KLHL1: variants seen among roughly 807,000 people sequenced by gnomAD.
KLHL1 encodes kelch-like protein 1.
In KLHL1, 47 loss-of-function variants were observed where a neutral mutation model predicts 77.7. The observed-to-expected ratio is 0.60, with a 90% confidence interval of 0.48 to 0.77. KLHL1 has a LOEUF of 0.77. Among genes scored for constraint, KLHL1 ranks in the 30% least tolerant of loss-of-function variants. KLHL1 has a pLI of 0.00. For synonymous variants in KLHL1, 360 were observed against 325.2 expected (o/e 1.11, Z -1.15); for missense variants, 925 against 910.8 (o/e 1.02, Z -0.20).
At position 69,768,713 on chromosome 13, in the gene KLHL1, T is replaced by G. The variant is rs9572267; in HGVS notation, c.1639+28025A>C. On this transcript the variant is annotated intron_variant, in intron 7 of 10. Transcript: ENST00000377844. ...TAAAAACCTAGTAATTATTAATAAC[T>G]TCATTAGTTAATACACTGTTTATGT... 5.1e-3 allele frequency among the ~76,000 whole-genome samples: 779 copies of G among 152,282 alleles called. 39 individuals carry two copies. The East Asian group carries it at 0.11, about 21-fold the overall frequency.
At chr13:69,928,799 G>A (rs1375783053) in intron 4 of KLHL1, among the ~76,000 whole-genome samples, 1 of 152,060 alleles carries the variant, frequency 6.6e-6, no homozygotes, top group African/African-American at 2.4e-5. Flanking sequence ...GAGGTATCTT[G>A]GCGAGGTGAT....
chr13:69,729,276 A>T (rs1475798978), intron 8 of KLHL1, among the ~76,000 whole-genome samples: 1 of 152,118 alleles, frequency 6.6e-6, no homozygotes, highest in Non-Finnish European at 1.5e-5. Flanking sequence ...TAAATTTGTT[A>T]TATGAAATTG....
chr13:70,033,088 T>C (rs1435330724), intron 1 of KLHL1, among the ~76,000 whole-genome samples: 1 of 152,188 alleles, frequency 6.6e-6, no homozygotes, highest in Non-Finnish European at 1.5e-5. Flanking sequence ...ATTATCTTTT[T>C]CCCCCTGAAA....
chr13:69,942,030 A>G (rs1257279115), intron 3 of KLHL1, among the ~76,000 whole-genome samples: 5 of 152,078 alleles, frequency 3.3e-5, no homozygotes, highest in Admixed American at 3.3e-4. Flanking sequence ...CATTCAAAGG[A>G]GAGTTGGTGC....
At chr13:70,078,726 C>T (rs1034545041) in intron 1 of KLHL1, among the ~76,000 whole-genome samples, 1 of 152,114 alleles carries the variant, frequency 6.6e-6, no homozygotes, top group Non-Finnish European at 1.5e-5. Flanking sequence ...TACCATCACA[C>T]TATTCAGTCC....
chr13:69,825,613 G>A (rs1218492527), intron 6 of KLHL1, among the ~76,000 whole-genome samples: 2 of 152,028 alleles, frequency 1.3e-5, no homozygotes, highest in African/African-American at 4.8e-5. Context: ...CTGGGTGGAT[G>A]GGACTGGAGA....
intron 6 of KLHL1, among the ~76,000 whole-genome samples, chr13:69,817,910 T>G (rs778479214): frequency 6.6e-6 from 1 of 152,170 alleles, no homozygotes; most frequent in Non-Finnish European, 1.5e-5. Flanking sequence ...GAATGTACAA[T>G]GATGAGGTTC....
In KLHL1 at chr13:69,837,656, ATGTG is replaced by A. The variant is rs1555272487; in HGVS notation, c.1414+1316_1414+1319del. On this transcript the variant is annotated intron_variant, in intron 6 of 10. Coordinates refer to ENST00000377844, the MANE Select transcript of KLHL1 (RefSeq NM_020866.3). Reference sequence around the variant, plus strand: ...TATATATATATATGTGTATATATATATGTGTGTGTGTGTGTATATATATATATAT... The same window carrying A: ...TATATATATATATGTGTATATATATATGTGTGTGTGTATATATATATATAT... Among the ~76,000 whole-genome samples the A allele has an allele frequency of 1.2e-3, 163 of 137,116 alleles. 4 individuals carry two copies. In the East Asian group the frequency reaches 0.03, roughly 25 times the overall value. 90.0% of individuals were successfully genotyped at this position (137,116 alleles called of 152,430 possible).
chr13:69,780,707 T>TATATATATATATATAC (rs1876111913), intron 7 of KLHL1, among the ~76,000 whole-genome samples: 10 of 37,762 alleles, frequency 2.6e-4, no homozygotes, highest in South Asian at 2.2e-3. Flanking sequence ...TATATGTATA[T>TATATATATATATATAC]ATATATATGT....
At chr13:69,974,958 T>C (rs1349179931) in intron 2 of KLHL1, among the ~76,000 whole-genome samples, 1 of 152,026 alleles carries the variant, frequency 6.6e-6, no homozygotes, top group African/African-American at 2.4e-5. Context: ...CCTGCAGTAG[T>C]TATGCAATGT....
At chr13:69,752,531 A>G (rs1467838836) in intron 7 of KLHL1, among the ~76,000 whole-genome samples, 3 of 152,334 alleles carry the variant, frequency 2.0e-5, no homozygotes, top group African/African-American at 4.8e-5. Context: ...AATAAAACAA[A>G]TAACAATCGT....
chr13:69,713,302 AC>A (rs1566354057), intron 9 of KLHL1, among the ~76,000 whole-genome samples: 1 of 152,138 alleles, frequency 6.6e-6, no homozygotes, highest in Non-Finnish European at 1.5e-5. Context: ...TATGCCTAAC[AC>A]TGGCTAGGTG....
chr13:69,811,935 C>T (rs1877900111), intron 6 of KLHL1, among the ~76,000 whole-genome samples: 1 of 151,930 alleles, frequency 6.6e-6, no homozygotes, highest in Non-Finnish European at 1.5e-5. Context: ...TATTTCTTGC[C>T]TTCTGCTAGC....
intron 7 of KLHL1, among the ~76,000 whole-genome samples, chr13:69,785,083 G>A (rs894046312): frequency 1.2e-4 from 18 of 150,862 alleles, no homozygotes; most frequent in Non-Finnish European, 2.2e-4. Flanking sequence ...TAGTAGAGAC[G>A]GGGTTTCACC....
chr13:69,755,029 G>C (rs1399081786), intron 7 of KLHL1, among the ~76,000 whole-genome samples: 3 of 152,046 alleles, frequency 2.0e-5, no homozygotes, highest in Non-Finnish European at 1.5e-5. Context: ...AGACTGAAAT[G>C]ATTTGGATAT....
At chr13:69,704,101 T>G (rs1413552419) in intron 10 of KLHL1, among the ~76,000 whole-genome samples, 2 of 151,666 alleles carry the variant, frequency 1.3e-5, no homozygotes, top group Non-Finnish European at 3.0e-5. Context: ...GTGAGTAGCT[T>G]AACTTTATAT....
chr13:69,919,955 C>T (rs899483549), intron 4 of KLHL1, among the ~76,000 whole-genome samples: 4 of 152,128 alleles, frequency 2.6e-5, no homozygotes, highest in African/African-American at 9.7e-5. Flanking sequence ...TCAGAAGCCA[C>T]TTCTTCACAT....
intron 1 of KLHL1, among the ~76,000 whole-genome samples, chr13:70,010,911 T>TAATAA (rs67519504): frequency 0.33 from 47,996 of 147,470 alleles, 8,905 homozygotes; most frequent in South Asian, 0.44. Flanking sequence ...ATAATAATAA[T>TAATAA]AATAAAATAA....
intron 1 of KLHL1, among the ~76,000 whole-genome samples, chr13:70,100,330 TAATA>T (rs1392099181): frequency 6.6e-6 from 1 of 152,158 alleles, no homozygotes; most frequent in Non-Finnish European, 1.5e-5. Context: ...TATTCATTGT[TAATA>T]TATAGAAATA....
Sources: allele counts gnomAD v4.1 joint callset (sites outside exome capture counted in the v4.1 genomes callset), GRCh38; gene constraint gnomAD v4.1.1; transcripts MANE v1.5; gene names NCBI Gene and HGNC (gene_info 2026-07-23, HGNC 2026-07-21).